COL18A1: variants seen among roughly 807,000 people sequenced by gnomAD.
The protein encoded by COL18A1 is collagen alpha-1(XVIII) chain.
Under a neutral mutation model 168.0 loss-of-function variants are expected in COL18A1, and 133 were observed. The ratio of observed to expected loss-of-function variants is 0.79; its 90% confidence interval spans 0.69 to 0.91. The LOEUF is 0.91. COL18A1 is among the 40% of genes least tolerant of loss of function. COL18A1 has a pLI of 0.00. For synonymous variants in COL18A1, 949 were observed against 809.0 expected (o/e 1.17, Z -2.94); for missense variants, 2,126 against 1,925.4 (o/e 1.10, Z -1.95).
intron 2 of COL18A1, among the ~76,000 whole-genome samples, chr21:45,437,289 C>T (rs1401916975): frequency 2.4e-5 from 3 of 126,718 alleles, no homozygotes; most frequent in Non-Finnish European, 3.2e-5. Flanking sequence ...CACTCTCCTG[C>T]ACACACACAC....
chr21:45,505,789 C>CCCCTGCCCT (rs1568943872), intron 36 of COL18A1, 49 bp from the exon 37 acceptor site: 5 of 1,337,154 alleles, frequency 3.7e-6, no homozygotes, highest in African/African-American at 1.4e-5. Context: ...CCGCCCCTGC[C>CCCCTGCCCT]CCCCGCCCTC....
intron 38 of COL18A1, 115 bp from the exon 39 acceptor site, chr21:45,509,241 C>T: frequency 1.4e-6 from 2 of 1,407,132 alleles, no homozygotes; most frequent in African/African-American, 1.4e-5. Context: ...GGCGCAGCTC[C>T]CTGCTTGCCA....
chr21:45,487,545 G>A (rs897905759), intron 17 of COL18A1, 36 bp downstream of exon 17: 1 of 1,610,212 alleles, frequency 6.2e-7, no homozygotes, highest in Non-Finnish European at 8.5e-7. Flanking sequence ...GGCTCTGAGG[G>A]GTAAGGGGGT....
chr21:45,504,622 G>T, intron 34 of COL18A1, 66 bp downstream of exon 34: 2 of 1,442,086 alleles, frequency 1.4e-6, no homozygotes, highest in Non-Finnish European at 1.9e-6. Flanking sequence ...CCGAGGGCAG[G>T]TCCAGCCCGG....
chr21:45,487,916 A>C (rs1398295865), intron 17 of COL18A1, among the ~76,000 whole-genome samples: 1 of 152,240 alleles, frequency 6.6e-6, no homozygotes, highest in East Asian at 1.9e-4. Context: ...TACTGTTAAC[A>C]TGTATACTGC....
At position 45,512,837 on chromosome 21, in the gene COL18A1, A is replaced by G. The variant is rs371166816; in HGVS notation, c.*439A>G. On this transcript the variant is annotated 3_prime_UTR_variant, in exon 42 of 42. Coordinates refer to ENST00000651438, the MANE Select transcript of COL18A1 (RefSeq NM_001379500.1). ...GTTAGCAGACAGGCCCCGTGAGGCAATGGGAGCTGAGGCCACACTCAGCAC... is the reference window on the plus strand; with the variant it reads ...GTTAGCAGACAGGCCCCGTGAGGCAGTGGGAGCTGAGGCCACACTCAGCAC... 1.7e-5 allele frequency: 5 copies of G among 285,932 alleles called. No homozygotes were observed. The highest frequency in any genetic ancestry group is 2.7e-5 in the Non-Finnish European group (4 of 147,378). The allele number at this position is 285,932 out of a possible 1,614,324, so 17.7% of individuals were successfully genotyped here.
intron 2 of COL18A1, among the ~76,000 whole-genome samples, chr21:45,413,467 C>T (rs550251519): frequency 1.4e-4 from 22 of 152,370 alleles, no homozygotes; most frequent in Admixed American, 5.9e-4. Context: ...TACGACCCCT[C>T]GGCTGTCAGG....
intron 2 of COL18A1, among the ~76,000 whole-genome samples, chr21:45,459,734 G>C (rs917084735): frequency 4.6e-5 from 7 of 152,328 alleles, no homozygotes; most frequent in African/African-American, 1.7e-4. Context: ...GGGCCGGGGT[G>C]GGGTAGGGAG....
intron 2 of COL18A1, among the ~76,000 whole-genome samples, chr21:45,413,272 CT>C (rs932985937): frequency 7.2e-5 from 11 of 152,252 alleles, no homozygotes; most frequent in African/African-American, 2.7e-4. Flanking sequence ...GCCTGCTGAA[CT>C]GAAAGATGTG....
At chr21:45,430,799 C>T (rs1028776966) in intron 2 of COL18A1, among the ~76,000 whole-genome samples, 2 of 152,226 alleles carry the variant, frequency 1.3e-5, no homozygotes, top group Non-Finnish European at 2.9e-5. Context: ...CCAAAGCAAG[C>T]TCCTTTGTGG....
rs527870177 is a variant in COL18A1, at chr21:45,475,535, G to A, written c.798G>A (p.Thr266=). The change falls in exon 5 of 42, where the codon ACG becomes ACA. Residue 266 remains threonine, a splice_region_variant and synonymous_variant. Transcript: ENST00000651438. Reference sequence around the variant, plus strand: ...CCCGGGAGCTTCTCAGGGAGGAGACGGTGAGTAGCCGGACGGGGCCCAGCC... The same window carrying A: ...CCCGGGAGCTTCTCAGGGAGGAGACAGTGAGTAGCCGGACGGGGCCCAGCC... ...GDARELLREE[T]GAALKPRLPA... 20 of 1,605,212 alleles carry A rather than the reference G, an allele frequency of 1.2e-5. No individual in the cohort carries two copies. The highest frequency in any genetic ancestry group is 8.5e-5 in the Admixed American group (5 of 59,122).
At chr21:45,504,783 C>T (rs1161092451) in intron 34 of COL18A1, among the ~76,000 whole-genome samples, 1 of 152,108 alleles carries the variant, frequency 6.6e-6, no homozygotes, top group Non-Finnish European at 1.5e-5. Context: ...CATGGCCTGC[C>T]CTCCTGCTGG....
chr21:45,456,893 G>A (rs1460594264), intron 2 of COL18A1: 1 of 1,426,988 alleles, frequency 7.0e-7, no homozygotes, highest in East Asian at 2.7e-5. Context: ...TAACTGGCCG[G>A]CCCCGATCTC....
chr21:45,459,671 T>C (rs912927705), intron 2 of COL18A1, among the ~76,000 whole-genome samples: 1 of 152,182 alleles, frequency 6.6e-6, no homozygotes, highest in African/African-American at 2.4e-5. Flanking sequence ...TGCTGTGTTG[T>C]GGGCTTGTCC....
At position 45,505,329 on chromosome 21, in the gene COL18A1, G is replaced by A. The variant is rs561093321; in HGVS notation, c.3014-29G>A. On this transcript the variant is annotated intron_variant, in intron 35 of 41. Coordinates refer to ENST00000651438, the MANE Select transcript of COL18A1 (RefSeq NM_001379500.1). The stretch of plus-strand genomic sequence containing the variant: ...GGCAGAGGCCGCCTCGTGTGGCTTC[G>A]TGTTCCCACCTTGGTTTCTCTCCTG... The A allele has an allele frequency of 2.3e-5, 36 of 1,595,752 alleles. No individual in the cohort carries two copies. In the Middle Eastern group the frequency reaches 1.0e-3, roughly 45 times the overall value.
chr21:45,511,315 T>A, intron 41 of COL18A1, 89 bp downstream of exon 41: 1 of 733,252 alleles, frequency 1.4e-6, no homozygotes. Flanking sequence ...TCCCCCCGAG[T>A]TTTTGGACAA....
chr21:45,488,827 CT>C (rs1388686571), intron 18 of COL18A1, among the ~76,000 whole-genome samples: 2 of 152,110 alleles, frequency 1.3e-5, no homozygotes, highest in Non-Finnish European at 2.9e-5. Flanking sequence ...CCGTGGTGAC[CT>C]TGTAGGACCC....
chr21:45,509,170 G>A lies in COL18A1; in HGVS notation c.3250-186G>A, dbSNP rs73907569. Among the ~76,000 whole-genome samples the A allele has an allele frequency of 0.027, 4,149 of 152,136 alleles. 206 individuals carry two copies. Among genetic ancestry groups the A allele is most frequent in the African/African-American group, 0.095 (3,932 of 41,456 alleles). ...GAGGTGACCCGCGATCCGGCGCCACGGCAGGCAGGACTCCCCACCCTTGCT... is the reference window on the plus strand; with the variant it reads ...GAGGTGACCCGCGATCCGGCGCCACAGCAGGCAGGACTCCCCACCCTTGCT... On this transcript the variant is annotated intron_variant, in intron 38 of 41. Coordinates refer to ENST00000651438, the MANE Select transcript of COL18A1 (RefSeq NM_001379500.1).
chr21:45,473,245 A>G lies in COL18A1; in HGVS notation c.652-650A>G, dbSNP rs1211299156. On this transcript the variant is annotated intron_variant, in intron 3 of 41. Coordinates refer to ENST00000651438, the MANE Select transcript of COL18A1 (RefSeq NM_001379500.1). This position sits in a 1 kb window ranked among gnomAD's most constrained non-coding sequence, Gnocchi z 4.0. ...ACCGCCGGCCGCGCCAGGGCCCGAG[A>G]GGGCAGGGTCAGGCACCCTGGCACT... Among the ~76,000 whole-genome samples the G allele has an allele frequency of 6.6e-6, 1 of 152,144 alleles. No homozygotes were observed. Among genetic ancestry groups the G allele is most frequent in the Non-Finnish European group, 1.5e-5 (1 of 68,020 alleles).
Sources: allele counts gnomAD v4.1 joint callset (sites outside exome capture counted in the v4.1 genomes callset), GRCh38; gene constraint gnomAD v4.1.1; non-coding constraint Gnocchi (gnomAD v3.1); transcripts MANE v1.5; gene names NCBI Gene and HGNC (gene_info 2026-07-23, HGNC 2026-07-21).